LRGUK: variants seen among roughly 807,000 people sequenced by gnomAD.
LRGUK encodes leucine rich repeats and guanylate kinase domain containing, also known as leucine-rich repeat and guanylate kinase domain-containing protein.
In LRGUK, 65 loss-of-function variants were observed where a neutral mutation model predicts 76.0. The ratio of observed to expected loss-of-function variants is 0.85; its 90% CI spans 0.70 to 1.05. LRGUK has a LOEUF of 1.05. Among genes scored for constraint, LRGUK ranks in the 50% least tolerant of loss-of-function variants. The pLI, the probability that LRGUK is intolerant of heterozygous loss-of-function variation, is 0.00. For synonymous variants in LRGUK, 268 were observed against 265.6 expected (o/e 1.01, Z -0.09); for missense variants, 758 against 732.8 (o/e 1.03, Z -0.40).
intron 18 of LRGUK, among the ~76,000 whole-genome samples, chr7:134,253,439 A>C (rs1283092806): frequency 1.3e-5 from 2 of 152,204 alleles, no homozygotes; most frequent in Non-Finnish European, 2.9e-5. Flanking sequence ...TAGTGATAGA[A>C]CTATGTAGGG....
intron 18 of LRGUK, among the ~76,000 whole-genome samples, chr7:134,252,616 G>A (rs1563200919): frequency 6.6e-6 from 1 of 152,146 alleles, no homozygotes; most frequent in East Asian, 1.9e-4. Flanking sequence ...TGTAGCCCTA[G>A]CTGTAGTTGA....
intron 16 of LRGUK, among the ~76,000 whole-genome samples, chr7:134,242,806 A>G (rs1335982603): frequency 6.6e-6 from 1 of 152,206 alleles, no homozygotes; most frequent in Non-Finnish European, 1.5e-5. Context: ...AATCCTCAGT[A>G]AAATACTGGC....
chr7:134,273,274 T>C, the LRGUK span, among the ~76,000 whole-genome samples: 1 of 152,154 alleles, frequency 6.6e-6, no homozygotes, highest in Non-Finnish European at 1.5e-5. Context: ...ACCTGATGCC[T>C]GGTAGAGCTC....
At chr7:134,157,468 G>T (rs7785445) in intron 5 of LRGUK, among the ~76,000 whole-genome samples, 18,514 of 152,258 alleles carry the variant, frequency 0.12, 1,420 homozygotes, top group East Asian at 0.32. Context: ...TATGAGCCAC[G>T]GTGATTTTTC....
chr7:134,170,386 C>T (rs188035126), intron 7 of LRGUK, among the ~76,000 whole-genome samples: 1 of 152,134 alleles, frequency 6.6e-6, no homozygotes, highest in Non-Finnish European at 1.5e-5. Context: ...CATTACCTTT[C>T]AACTCTTAAT....
At chr7:134,137,399 C>T (rs1055204038) in intron 2 of LRGUK, among the ~76,000 whole-genome samples, 1 of 152,154 alleles carries the variant, frequency 6.6e-6, no homozygotes, top group Non-Finnish European at 1.5e-5. Context: ...GTAATCAATG[C>T]TTTCTTTCCA....
At chr7:134,134,534 G>A (rs1304364586) in intron 1 of LRGUK, among the ~76,000 whole-genome samples, 1 of 152,152 alleles carries the variant, frequency 6.6e-6, no homozygotes, top group African/African-American at 2.4e-5. Flanking sequence ...GCAGAGTGCT[G>A]CCTTCCCCAA....
chr7:134,229,609 T>G (rs957154249), intron 16 of LRGUK, among the ~76,000 whole-genome samples: 1 of 152,140 alleles, frequency 6.6e-6, no homozygotes, highest in Admixed American at 6.6e-5. Context: ...TTCAAATAGG[T>G]CTATACGCTC....
At chr7:134,269,627 G>T in the LRGUK span, among the ~76,000 whole-genome samples, 2 of 152,100 alleles carry the variant, frequency 1.3e-5, no homozygotes, top group Non-Finnish European at 2.9e-5. Flanking sequence ...TAGGATTACA[G>T]GTGTAAGCCA....
At chr7:134,139,886 C>T (rs1797698065) in intron 3 of LRGUK, among the ~76,000 whole-genome samples, 2 of 151,866 alleles carry the variant, frequency 1.3e-5, no homozygotes, top group South Asian at 2.1e-4. Context: ...TTTTCTTTAA[C>T]AGATTCTTTT....
At chr7:134,150,917 GA>G (rs1399842657) in intron 5 of LRGUK, among the ~76,000 whole-genome samples, 1 of 152,008 alleles carries the variant, frequency 6.6e-6, no homozygotes, top group Non-Finnish European at 1.5e-5. Context: ...TAGAAGTTTG[GA>G]ACATGGGTAT....
chr7:134,206,245 G>A (rs1362162536), intron 15 of LRGUK, among the ~76,000 whole-genome samples: 3 of 152,132 alleles, frequency 2.0e-5, no homozygotes, highest in African/African-American at 4.8e-5. Flanking sequence ...AGCCAGGTGC[G>A]GTGGCTTACG....
chr7:134,176,121 C>T (rs1799467520), intron 8 of LRGUK, among the ~76,000 whole-genome samples: 1 of 152,066 alleles, frequency 6.6e-6, no homozygotes, highest in Non-Finnish European at 1.5e-5. Context: ...CAACCTACCA[C>T]AGGAACAGGA....
intron 5 of LRGUK, among the ~76,000 whole-genome samples, chr7:134,155,818 G>C (rs1198759039): frequency 5.3e-5 from 8 of 152,048 alleles, no homozygotes; most frequent in Admixed American, 5.2e-4. Context: ...AGTAAAGTTG[G>C]GATAATTACA....
intron 5 of LRGUK, among the ~76,000 whole-genome samples, chr7:134,153,855 T>C (rs117898670): frequency 0.015 from 2,211 of 152,310 alleles, 25 homozygotes; most frequent in Non-Finnish European, 0.023. Context: ...CTCTCTCCAC[T>C]AAGAGAACTG....
At chr7:134,178,926 C>CAA (rs950815389) in intron 10 of LRGUK, among the ~76,000 whole-genome samples, 17 of 43,566 alleles carry the variant, frequency 3.9e-4, no homozygotes, top group Admixed American at 9.7e-4. Context: ...AGTGAAATCT[C>CAA]AAAAAAAAAA....
chr7:134,211,686 A>C (rs1272808643), downstream of LRGUK, among the ~76,000 whole-genome samples: 1 of 152,294 alleles, frequency 6.6e-6, no homozygotes, highest in African/African-American at 2.4e-5. Context: ...ATTATGCCAA[A>C]CCATCTGGTT....
At chr7:134,219,892 G>A (rs1585572380) in intron 15 of LRGUK, among the ~76,000 whole-genome samples, 1 of 152,076 alleles carries the variant, frequency 6.6e-6, no homozygotes, top group East Asian at 1.9e-4. Context: ...ACCACCTTAG[G>A]TGGACTTCCT....
At chr7:134,134,677 C>T (rs1261273745) in intron 1 of LRGUK, among the ~76,000 whole-genome samples, 1 of 152,196 alleles carries the variant, frequency 6.6e-6, no homozygotes, top group Non-Finnish European at 1.5e-5. Context: ...GCCAGATGAA[C>T]TTTAAAGGGC....
Sources: gnomAD v4.1 joint callset for allele counts (sites outside exome capture counted in the v4.1 genomes callset) on GRCh38, gnomAD v4.1.1 for gene constraint, MANE v1.5 for transcripts, NCBI Gene and HGNC (gene_info 2026-07-23, HGNC 2026-07-21) for gene names.